The following HMCN1 variants were observed in gnomAD, a reference collection of about 807,000 sequenced individuals.
HMCN1 encodes the protein hemicentin 1.
HMCN1 carries 321 observed loss-of-function variants against 625.9 expected under a neutral mutation model. The observed-to-expected ratio is 0.51, with a 90% CI of 0.47 to 0.56. The LOEUF (loss-of-function observed/expected upper bound fraction) is 0.56, where lower values mean the gene tolerates loss of function less well. Ranked by LOEUF, HMCN1 falls within the 20% of genes least tolerant of loss-of-function variation. The pLI, the probability that HMCN1 is intolerant of heterozygous loss-of-function variation, is 0.00. For missense variants in HMCN1, 6,588 were observed against 6,887.3 expected, an observed-to-expected ratio of 0.96 and a Z score of 1.54; for synonymous variants, 2,425 against 2,417.6, an observed-to-expected ratio of 1.00 and a Z score of -0.09.
chr1:185,887,603 C>T (rs1295378403), intron 4 of HMCN1, among the ~76,000 whole-genome samples: 1 of 149,754 alleles, frequency 6.7e-6, no homozygotes, highest in Non-Finnish European at 1.5e-5. Context: ...CGATGATTTC[C>T]AATTTCATCC....
intron 1 of HMCN1, among the ~76,000 whole-genome samples, chr1:185,750,886 C>T (rs1654768445): frequency 6.6e-6 from 1 of 151,216 alleles, no homozygotes; most frequent in East Asian, 1.9e-4. Flanking sequence ...ATCTCTCTTT[C>T]TCTGTTAAAA....
intron 1 of HMCN1, among the ~76,000 whole-genome samples, chr1:185,737,730 C>A (rs1477349338): frequency 6.6e-6 from 1 of 152,040 alleles, no homozygotes; most frequent in Non-Finnish European, 1.5e-5. Flanking sequence ...TTTATAAGCC[C>A]TTTGACATCT....
chr1:185,751,312 G>T (rs1371194303), intron 1 of HMCN1, among the ~76,000 whole-genome samples: 16 of 152,152 alleles, frequency 1.1e-4, no homozygotes, highest in African/African-American at 3.6e-4. Context: ...ATCTAACTTA[G>T]CCCATTGAAG....
Position 186,015,290 on chromosome 1 carries a change from A to G in HMCN1, c.4762A>G (p.Ile1588Val). ...TACTTGGTATAAGGACGGGCAGCCA[A>G]TCATGTCCAGCTCACAAGCACTTTA... ...AITWYKDGQP[I>V]MSSSQALYID... is the part of the protein sequence containing the mutation. Residue 1588 changes from isoleucine to valine, a missense_variant, in exon 31 of 107, where the codon ATC (isoleucine) becomes GTC (valine). Physicochemically the swap from Ile to Val is conservative, Grantham distance 29. Transcript: ENST00000271588. The G allele has an allele frequency of 6.2e-7, 1 of 1,613,796 alleles. No homozygotes were observed. The highest frequency in any genetic ancestry group is 8.5e-7 in the Non-Finnish European group (1 of 1,179,806).
chr1:185,986,841 A>AT (rs1558119663), intron 19 of HMCN1, among the ~76,000 whole-genome samples: 7 of 149,898 alleles, frequency 4.7e-5, no homozygotes, highest in African/African-American at 1.7e-4. Context: ...AAAAAAAAAA[A>AT]AAATTAATTA....
chr1:186,025,835 C>T (rs571065700), intron 36 of HMCN1, among the ~76,000 whole-genome samples: 49 of 152,164 alleles, frequency 3.2e-4, no homozygotes, highest in African/African-American at 1.1e-3. Context: ...ATTGCTCAAT[C>T]AGAGGGAGAA....
At chr1:186,158,839 C>G (rs1211395821) in intron 97 of HMCN1, among the ~76,000 whole-genome samples, 1 of 151,566 alleles carries the variant, frequency 6.6e-6, no homozygotes, top group Non-Finnish European at 1.5e-5. Context: ...GTTACTGTAG[C>G]CTTGTAGTAT....
chr1:186,092,587 G>T (rs931698989), intron 64 of HMCN1, among the ~76,000 whole-genome samples: 16 of 151,850 alleles, frequency 1.1e-4, no homozygotes. Flanking sequence ...GATCTTTAAT[G>T]ATCTCATTGT....
intron 30 of HMCN1, among the ~76,000 whole-genome samples, chr1:186,010,681 CATGAGTAAA>C (rs1301845586): frequency 1.3e-5 from 2 of 152,106 alleles, no homozygotes; most frequent in African/African-American, 4.8e-5. Context: ...AAATTTAAAA[CATGAGTAAA>C]ATGCTCTTTC....
intron 1 of HMCN1, among the ~76,000 whole-genome samples, chr1:185,747,378 G>A (rs1654487573): frequency 6.6e-6 from 1 of 151,792 alleles, no homozygotes. Flanking sequence ...GAGTGCAGTG[G>A]CGTGATCTCG....
intron 11 of HMCN1, among the ~76,000 whole-genome samples, chr1:185,940,977 G>A (rs1290260018): frequency 6.6e-6 from 1 of 152,132 alleles, no homozygotes; most frequent in Non-Finnish European, 1.5e-5. Flanking sequence ...GGTCAGGCTA[G>A]TCTCAAACTC....
intron 41 of HMCN1, 37 bp from the exon 42 acceptor site, chr1:186,048,706 T>A (rs771466238): frequency 7.3e-6 from 9 of 1,237,844 alleles, no homozygotes; most frequent in Non-Finnish European, 9.5e-6. Context: ...CCAAGTGAAA[T>A]AGAAAGTGTG....
chr1:186,085,883 C>T (rs1659448948), intron 57 of HMCN1, among the ~76,000 whole-genome samples: 1 of 152,116 alleles, frequency 6.6e-6, no homozygotes, highest in African/African-American at 2.4e-5. Context: ...TTATCTCCTT[C>T]TCTACAGCAC....
intron 1 of HMCN1, among the ~76,000 whole-genome samples, chr1:185,755,933 A>G (rs925976647): frequency 6.6e-6 from 1 of 152,066 alleles, no homozygotes; most frequent in Admixed American, 6.5e-5. Context: ...CCTAGGCTGG[A>G]GTGCAGTGGC....
chr1:185,997,633 G>A (rs1652893733), intron 25 of HMCN1, 109 bp downstream of exon 25: 3 of 784,836 alleles, frequency 3.8e-6, no homozygotes, highest in Middle Eastern at 2.5e-4. Context: ...ATCCTTGGTA[G>A]AACATTTGAG....
At chr1:185,816,983 CT>C (rs1184236306) in intron 1 of HMCN1, among the ~76,000 whole-genome samples, 2 of 152,176 alleles carry the variant, frequency 1.3e-5, no homozygotes, top group East Asian at 3.8e-4. Flanking sequence ...TTTTCTTTCC[CT>C]ACCACTGTAT....
chr1:186,088,248 A>G lies in HMCN1; in HGVS notation c.9549A>G (p.Ile3183Met), dbSNP rs1659635764. 2.5e-6 allele frequency: 4 copies of G among 1,612,884 alleles called. No individual in the cohort carries two copies. Among genetic ancestry groups the G allele is most frequent in the Non-Finnish European group, 3.4e-6 (4 of 1,179,258 alleles). ...CDATGIPPPT[I>M]AWLKNHKRIE... ...CCACTGGGATCCCACCTCCCACGAT[A>G]GCATGGTTAAAGAACCACAAGCGCA... Residue 3183 changes from isoleucine (I) to methionine (M), a missense_variant, in exon 62 of 107, where the codon ATA (isoleucine) becomes ATG (methionine). Around this residue, in one of 3 missense-constraint regions of HMCN1, gnomAD observed 4,628 missense variants for 4,853.1 expected, o/e 0.95. Coordinates refer to ENST00000271588, the MANE Select transcript of HMCN1 (RefSeq NM_031935.3).
Position 185,909,446 on chromosome 1 carries a change from T to C in HMCN1, c.731T>C (p.Leu244Pro). 1 of 1,613,682 alleles carries C rather than the reference T, an allele frequency of 6.2e-7. No homozygotes were observed. The highest frequency in any genetic ancestry group is 8.5e-7 in the Non-Finnish European group (1 of 1,179,680). Residue 244 changes from leucine to proline, a missense_variant, in exon 5 of 107, where the codon CTG becomes CCG. Coordinates refer to ENST00000271588, the MANE Select transcript of HMCN1 (RefSeq NM_031935.3). ...NTWRIPFDPS[L>P]KEVTVSLSGP... ...TGGAGAATTCCTTTTGATCCCAGCC[T>C]GAAAGAGGTCACTGTGTCTTTGAGT...
At chr1:186,122,678 T>C (rs529849731) in intron 80 of HMCN1, among the ~76,000 whole-genome samples, 1 of 152,366 alleles carries the variant, frequency 6.6e-6, no homozygotes, top group South Asian at 2.1e-4. Flanking sequence ...TTAAATTTTC[T>C]AGACATGCAT....
Sources: gnomAD v4.1 joint callset for allele counts (sites outside exome capture counted in the v4.1 genomes callset) on GRCh38, gnomAD v4.1.1 for gene constraint, gnomAD v4.1.1 regional missense constraint, MANE v1.5 for transcripts, NCBI Gene and HGNC (gene_info 2026-07-23, HGNC 2026-07-21) for gene names.